PALS2: variants seen among roughly 807,000 people sequenced by gnomAD.
PALS2 encodes the protein protein associated with LIN7 2, MAGUK p55 family member.
In PALS2, 27 loss-of-function variants were observed where a neutral mutation model predicts 61.6. That is an observed-to-expected ratio of 0.44 (90% CI 0.32 to 0.60). The LOEUF (loss-of-function observed/expected upper bound fraction) is 0.60. Ranked by LOEUF, PALS2 falls within the 20% of genes least tolerant of loss-of-function variation. The probability of loss-of-function intolerance (pLI) is 0.05; values close to 1 mark genes in which losing one functional copy is unlikely to be tolerated. For synonymous variants in PALS2, 236 were observed against 218.6 expected, an observed-to-expected ratio of 1.08 and a Z score of -0.70; for missense variants, 554 against 639.4, an observed-to-expected ratio of 0.87 and a Z score of 1.44.
intron 1 of PALS2, among the ~76,000 whole-genome samples, chr7:24,617,243 ATCTC>A (rs1156738852): frequency 3.9e-5 from 6 of 152,036 alleles, no homozygotes; most frequent in Non-Finnish European, 7.4e-5. Flanking sequence ...GTTTTCTAAT[ATCTC>A]TCTCTTTTTG....
intron 9 of PALS2, among the ~76,000 whole-genome samples, chr7:24,675,386 T>C (rs1787512430): frequency 6.6e-6 from 1 of 151,680 alleles, no homozygotes; most frequent in African/African-American, 2.4e-5. Context: ...TAAGGTTTTT[T>C]TTTTTCCCCT....
intron 5 of PALS2, 82 bp downstream of exon 5, chr7:24,650,794 T>A: frequency 1.0e-6 from 1 of 987,460 alleles, no homozygotes; most frequent in Non-Finnish European, 1.4e-6. Flanking sequence ...CAGTTGCTAC[T>A]ATTTTGCTAA....
Position 24,642,114 on chromosome 7 carries a change from C to G in PALS2, c.270+246C>G, listed in dbSNP as rs187179130. Reference sequence around the variant, plus strand: ...ACATCACAATGGATTTTTCTTTGTGCCATTAAAGAAAACAACCTTAATTCA... The same window carrying G: ...ACATCACAATGGATTTTTCTTTGTGGCATTAAAGAAAACAACCTTAATTCA... On this transcript the variant is annotated intron_variant, in intron 3 of 11. Coordinates refer to ENST00000222644, the MANE Select transcript of PALS2 (RefSeq NM_001303037.2). Among the ~76,000 whole-genome samples the G allele has an allele frequency of 3.9e-5, 6 of 152,164 alleles. No individual in the cohort carries two copies. In the East Asian group the frequency reaches 1.2e-3, roughly 29 times the overall value.
Position 24,573,576 on chromosome 7 carries a change from C to CGGCTGAGGT in PALS2, c.-18_-10dup, listed in dbSNP as rs956327187. ...AGCGGCGGCAGCGGCGGCGCGGAGG[C>CGGCTGAGGT]GGCTGAGGTGCGAGCCGGTGAGTTA... On this transcript the variant is annotated 5_prime_UTR_variant, in exon 1 of 12. Transcript: ENST00000222644. The surrounding 1 kb of genome is among the most constrained non-coding windows in gnomAD (Gnocchi z 5.3). The CGGCTGAGGT allele has an allele frequency of 4.2e-5, 16 of 382,232 alleles. No individual in the cohort carries two copies. The highest frequency in any genetic ancestry group is 6.5e-5 in the Non-Finnish European group (14 of 217,028). 23.7% of individuals were successfully genotyped at this position (382,232 alleles called of 1,614,324 possible). A position where few individuals can be genotyped will look rare whatever the true frequency, so the allele number is the denominator to read the frequency against.
chr7:24,585,536 C>CTATA (rs1783031035), intron 1 of PALS2, among the ~76,000 whole-genome samples: 1 of 152,028 alleles, frequency 6.6e-6, no homozygotes, highest in South Asian at 2.1e-4. Context: ...GCTCAGCTTG[C>CTATA]TATATAGCCA....
chr7:24,640,897 A>C (rs1226765665), intron 2 of PALS2, among the ~76,000 whole-genome samples: 1 of 149,278 alleles, frequency 6.7e-6, no homozygotes. Flanking sequence ...AGTCCCAGCT[A>C]CTTGGGAGGC....
intron 2 of PALS2, among the ~76,000 whole-genome samples, chr7:24,637,296 CTTT>C (rs35499781): frequency 6.4e-5 from 7 of 109,470 alleles, no homozygotes; most frequent in African/African-American, 1.6e-4. Context: ...ACTTACTCAT[CTTT>C]TTTTTTTTTT....
At chr7:24,607,610 C>CAT (rs554478368) in intron 1 of PALS2, among the ~76,000 whole-genome samples, 3 of 146,894 alleles carry the variant, frequency 2.0e-5, no homozygotes, top group South Asian at 2.1e-4. Context: ...TGTATATATA[C>CAT]ATATATATGT....
At chr7:24,662,081 T>C (rs1447178392) in intron 5 of PALS2, among the ~76,000 whole-genome samples, 1 of 152,202 alleles carries the variant, frequency 6.6e-6, no homozygotes, top group Admixed American at 6.5e-5. Context: ...GATCTAAAAT[T>C]ATATATCAGG....
intron 8 of PALS2, among the ~76,000 whole-genome samples, chr7:24,667,191 G>A (rs1002093213): frequency 7.2e-5 from 11 of 151,878 alleles, no homozygotes; most frequent in Non-Finnish European, 1.5e-4. Context: ...TCATCACTTT[G>A]GCCCTATTAT....
chr7:24,577,763 T>C (rs918618815), intron 1 of PALS2, among the ~76,000 whole-genome samples: 48 of 152,286 alleles, frequency 3.2e-4, no homozygotes, highest in African/African-American at 1.1e-3. Context: ...AGACAAGCAT[T>C]GCTACCTAAC....
chr7:24,617,930 G>A (rs1162985352), intron 1 of PALS2, among the ~76,000 whole-genome samples: 3 of 152,236 alleles, frequency 2.0e-5, no homozygotes, highest in Admixed American at 6.5e-5. Context: ...CACTCGGCCA[G>A]TCTAGGGGCA....
At chr7:24,582,482 A>G (rs573914888) in intron 1 of PALS2, among the ~76,000 whole-genome samples, 143 of 152,276 alleles carry the variant, frequency 9.4e-4, no homozygotes, top group Middle Eastern at 3.4e-3. Context: ...ATATTACTAT[A>G]AATACTTTAT....
rs1017488565 is a variant in PALS2, at chr7:24,618,155, G to A, written c.-2-5511G>A. Among the ~76,000 whole-genome samples the A allele has an allele frequency of 2.6e-5, 4 of 152,136 alleles. No individual in the cohort carries two copies. Among genetic ancestry groups the A allele is most frequent in the African/African-American group, 9.7e-5 (4 of 41,420 alleles). ...CAGGACATGGGTGTGCAACTACCCG[G>A]CCACCATGGGGACATGTCAGCTGCT... On this transcript the variant is annotated intron_variant, in intron 1 of 11. Transcript: ENST00000222644. The surrounding 1 kb of genome is among the most constrained non-coding windows in gnomAD (Gnocchi z 5.1).
intron 9 of PALS2, among the ~76,000 whole-genome samples, chr7:24,670,539 T>A (rs1240640065): frequency 6.6e-6 from 1 of 152,178 alleles, no homozygotes; most frequent in East Asian, 1.9e-4. Flanking sequence ...TACATCCTCT[T>A]GTATGTGGAA....
chr7:24,662,030 T>A (rs938053034), intron 5 of PALS2, among the ~76,000 whole-genome samples: 10 of 152,182 alleles, frequency 6.6e-5, no homozygotes, highest in Non-Finnish European at 1.5e-4. Flanking sequence ...TAGCCAATTG[T>A]CACACTTTAG....
intron 1 of PALS2, among the ~76,000 whole-genome samples, chr7:24,607,593 A>ATG (rs1015963436): frequency 1.6e-4 from 21 of 132,310 alleles, no homozygotes; most frequent in African/African-American, 3.6e-4. Flanking sequence ...ATATACATAT[A>ATG]TGTGTGTGTA....
intron 9 of PALS2, among the ~76,000 whole-genome samples, chr7:24,672,602 A>AT (rs1195659310): frequency 6.6e-6 from 1 of 152,078 alleles, no homozygotes; most frequent in African/African-American, 2.4e-5. Context: ...TATGGTTTTC[A>AT]TTGTACAAAT....
intron 1 of PALS2, among the ~76,000 whole-genome samples, chr7:24,587,922 CTATT>C (rs1288504028): frequency 1.3e-5 from 2 of 152,130 alleles, no homozygotes; most frequent in Non-Finnish European, 2.9e-5. Context: ...ACAGTTTGAT[CTATT>C]TGTTATTTAG....
Sources: allele counts gnomAD v4.1 joint callset (sites outside exome capture counted in the v4.1 genomes callset), GRCh38; gene constraint gnomAD v4.1.1; non-coding constraint Gnocchi (gnomAD v3.1); transcripts MANE v1.5; gene names NCBI Gene and HGNC (gene_info 2026-07-23, HGNC 2026-07-21).